The following CFAP299 variants were observed in gnomAD, a reference collection of about 807,000 sequenced individuals.
The protein encoded by CFAP299 is cilia and flagella associated protein 299.
Under a neutral mutation model 27.0 loss-of-function variants are expected in CFAP299, and 21 were observed. That is an observed-to-expected ratio of 0.78 (90% CI 0.55 to 1.12). The LOEUF (loss-of-function observed/expected upper bound fraction) is 1.12. Ranked by LOEUF, CFAP299 falls within the 50% of genes most tolerant of loss-of-function variation. The pLI, the probability that CFAP299 is intolerant of heterozygous loss-of-function variation, is 0.00. For missense variants in CFAP299, 310 were observed against 276.6 expected, an observed-to-expected ratio of 1.12 and a Z score of -0.86; for synonymous variants, 104 against 98.1, an observed-to-expected ratio of 1.06 and a Z score of -0.36.
intron 3 of CFAP299, among the ~76,000 whole-genome samples, chr4:80,619,227 A>G (rs1738453080): frequency 6.6e-6 from 1 of 151,536 alleles, no homozygotes; most frequent in East Asian, 1.9e-4. Flanking sequence ...TTCAAACTTT[A>G]TTCTGATTTA....
intron 3 of CFAP299, among the ~76,000 whole-genome samples, chr4:80,592,755 T>C (rs1244960356): frequency 6.6e-6 from 1 of 152,212 alleles, no homozygotes; most frequent in African/African-American, 2.4e-5. Flanking sequence ...TGAAGTAATA[T>C]GTAACAGTTG....
intron 2 of CFAP299, among the ~76,000 whole-genome samples, chr4:80,395,663 G>A (rs1037556013): frequency 2.6e-5 from 4 of 152,076 alleles, no homozygotes; most frequent in African/African-American, 4.8e-5. Context: ...ATTATTACAA[G>A]TTATTAGATA....
intron 3 of CFAP299, among the ~76,000 whole-genome samples, chr4:80,710,510 A>G (rs1439791995): frequency 6.7e-6 from 1 of 148,834 alleles, no homozygotes; most frequent in Non-Finnish European, 1.5e-5. Flanking sequence ...TAAAAAAAAA[A>G]AGGTAAGTTG....
At chr4:80,569,425 GC>G (rs974419445) in intron 2 of CFAP299, among the ~76,000 whole-genome samples, 1 of 151,952 alleles carries the variant, frequency 6.6e-6, no homozygotes, top group African/African-American at 2.4e-5. Flanking sequence ...ATTTTAACTA[GC>G]TTTTTTTCTT....
chr4:80,674,784 A>C (rs889866387), intron 3 of CFAP299, among the ~76,000 whole-genome samples: 7 of 152,038 alleles, frequency 4.6e-5, no homozygotes, highest in Non-Finnish European at 8.8e-5. Context: ...ATATTCAATC[A>C]TTGATACACA....
At chr4:80,936,071 G>A (rs1161274588) in intron 4 of CFAP299, among the ~76,000 whole-genome samples, 3 of 152,052 alleles carry the variant, frequency 2.0e-5, no homozygotes, top group African/African-American at 7.2e-5. Context: ...AATTAGGTTG[G>A]TGCAAAATTG....
intron 3 of CFAP299, among the ~76,000 whole-genome samples, chr4:80,851,899 TATG>T (rs1731547386): frequency 1.7e-5 from 2 of 116,884 alleles, no homozygotes; most frequent in African/African-American, 6.9e-5. Context: ...ACCCTGGCGA[TATG>T]ATTTGTCAGG....
intron 2 of CFAP299, among the ~76,000 whole-genome samples, chr4:80,463,347 C>T (rs1729547192): frequency 6.6e-6 from 1 of 152,002 alleles, no homozygotes; most frequent in African/African-American, 2.4e-5. Context: ...AAAGAAAGAA[C>T]ATATCATCAA....
chr4:80,814,802 C>A (rs1222796953), intron 3 of CFAP299, among the ~76,000 whole-genome samples: 17 of 151,204 alleles, frequency 1.1e-4, no homozygotes, highest in Admixed American at 9.9e-4. Flanking sequence ...CCTGAGGTAA[C>A]CTCTTATCTC....
chr4:80,831,663 A>C (rs556285372), intron 3 of CFAP299, among the ~76,000 whole-genome samples: 2 of 152,258 alleles, frequency 1.3e-5, no homozygotes, highest in African/African-American at 4.8e-5. Context: ...ACATACAATG[A>C]ATTTTGACAA....
At chr4:80,942,572 C>A (rs1486068830) in intron 4 of CFAP299, among the ~76,000 whole-genome samples, 1 of 152,002 alleles carries the variant, frequency 6.6e-6, no homozygotes, top group Non-Finnish European at 1.5e-5. Flanking sequence ...GATGAAACAA[C>A]CAAAATGTCT....
intron 3 of CFAP299, among the ~76,000 whole-genome samples, chr4:80,637,686 C>T (rs1739517698): frequency 6.6e-6 from 1 of 152,154 alleles, no homozygotes; most frequent in African/African-American, 2.4e-5. Context: ...AAGGTAGTCT[C>T]ATTCCATAGA....
At chr4:80,636,398 A>T (rs1470600852) in intron 3 of CFAP299, among the ~76,000 whole-genome samples, 1 of 152,208 alleles carries the variant, frequency 6.6e-6, no homozygotes, top group East Asian at 1.9e-4. Flanking sequence ...AAAGCAATAA[A>T]GTTTACAAAC....
At chr4:80,595,796 A>G (rs1001186756) in intron 3 of CFAP299, among the ~76,000 whole-genome samples, 7 of 152,212 alleles carry the variant, frequency 4.6e-5, no homozygotes, top group Non-Finnish European at 7.3e-5. Context: ...AGCTAAGGAA[A>G]TTATGGACAT....
chr4:80,845,977 C>T (rs1256028094), intron 3 of CFAP299, among the ~76,000 whole-genome samples: 1 of 151,988 alleles, frequency 6.6e-6, no homozygotes, highest in Non-Finnish European at 1.5e-5. Context: ...ACATTTTTAT[C>T]TTCTCTTTTC....
chr4:80,846,436 T>C (rs991720160), intron 3 of CFAP299, among the ~76,000 whole-genome samples: 4 of 152,178 alleles, frequency 2.6e-5, no homozygotes, highest in Admixed American at 2.6e-4. Flanking sequence ...TAGTCTCTCA[T>C]TAGGTATCCT....
intron 3 of CFAP299, among the ~76,000 whole-genome samples, chr4:80,769,384 C>A (rs896615870): frequency 4.6e-5 from 7 of 151,976 alleles, no homozygotes; most frequent in Non-Finnish European, 1.0e-4. Context: ...AACTTAATGG[C>A]TTATATAATT....
intron 3 of CFAP299, among the ~76,000 whole-genome samples, chr4:80,800,801 G>A (rs1384062996): frequency 5.9e-5 from 8 of 134,960 alleles, no homozygotes; most frequent in African/African-American, 6.0e-5. Flanking sequence ...ATATATATGA[G>A]TTTAGTAAGT....
chr4:80,695,338 T>C (rs1721018099), intron 3 of CFAP299, among the ~76,000 whole-genome samples: 1 of 152,206 alleles, frequency 6.6e-6, no homozygotes, highest in Admixed American at 6.5e-5. Context: ...CTTAATTTTG[T>C]TTTTGACCAC....
Sources: gnomAD v4.1 joint callset for allele counts (sites outside exome capture counted in the v4.1 genomes callset) on GRCh38, gnomAD v4.1.1 for gene constraint, MANE v1.5 for transcripts, NCBI Gene and HGNC (gene_info 2026-07-23, HGNC 2026-07-21) for gene names.